Variants in INSYN2B observed in about 807,000 individuals in gnomAD.
INSYN2B encodes the protein protein INSYN2B.
A neutral mutation model predicts 41.2 loss-of-function variants in INSYN2B; 16 were observed. That is an observed-to-expected ratio of 0.39 (90% CI 0.26 to 0.59). The LOEUF (loss-of-function observed/expected upper bound fraction) is 0.59, where lower values mean the gene tolerates loss of function less well. Among genes scored for constraint, INSYN2B ranks in the 20% least tolerant of loss-of-function variants. The pLI is 0.57. For missense variants in INSYN2B, 608 were observed against 646.4 expected (o/e 0.94, Z 0.64); for synonymous variants, 245 against 244.4 (o/e 1.00, Z -0.02).
chr5:169,896,130 A>G (rs1422835079), intron 1 of INSYN2B, among the ~76,000 whole-genome samples: 3 of 148,786 alleles, frequency 2.0e-5, no homozygotes, highest in Admixed American at 6.7e-5. Context: ...GAGCTCCCAG[A>G]GCGTGCAGGC....
At chr5:169,907,609 A>G (rs1774356024) in intron 1 of INSYN2B, among the ~76,000 whole-genome samples, 1 of 152,194 alleles carries the variant, frequency 6.6e-6, no homozygotes, top group Non-Finnish European at 1.5e-5. Flanking sequence ...TATGTTGGAA[A>G]GTTCAATTAC....
chr5:169,964,734 G>A (rs1561854846), intron 1 of INSYN2B, among the ~76,000 whole-genome samples: 1 of 152,234 alleles, frequency 6.6e-6, no homozygotes, highest in Non-Finnish European at 1.5e-5. Context: ...TGTAGTAGCT[G>A]AGTATAGTTT....
intron 1 of INSYN2B, among the ~76,000 whole-genome samples, chr5:169,966,902 T>C (rs1777320788): frequency 6.6e-6 from 1 of 152,228 alleles, no homozygotes; most frequent in East Asian, 1.9e-4. Context: ...AGAGAGCCCT[T>C]CACCAATCCA....
At chr5:169,928,095 T>A (rs1445287444) in intron 1 of INSYN2B, among the ~76,000 whole-genome samples, 4 of 152,172 alleles carry the variant, frequency 2.6e-5, no homozygotes, top group Non-Finnish European at 5.9e-5. Context: ...CAGGATAAGA[T>A]ACTGTCAACC....
chr5:169,881,443 C>A lies in INSYN2B; in HGVS notation c.1347-1G>T. 6.4e-7 allele frequency: 1 copy of A among 1,551,362 alleles called. No homozygotes were observed. The highest frequency in any genetic ancestry group is 8.7e-7 in the Non-Finnish European group (1 of 1,146,756). On this transcript the variant is annotated splice_acceptor_variant, in intron 2 of 3. Transcript: ENST00000377365. LOFTEE classifies it high-confidence loss of function. ...TTGGCCAGTTCGATAAAAGTTGCGC[C>A]TGCAAGACAGAGCATTTGCTGGATA...
rs756448645 is a variant in INSYN2B, at chr5:169,950,328, G to A, written c.-919+29949C>T. Among the ~76,000 whole-genome samples the A allele has an allele frequency of 6.6e-5, 10 of 152,308 alleles. No individual in the cohort carries two copies. The East Asian group carries it at 9.6e-4, about 15-fold the overall frequency. Reference sequence around the variant, plus strand: ...TCATAGGGTTGTTTTAGGATTAAGAGCATTGATATATGCAAAGCGCTTAGT... The same window carrying A: ...TCATAGGGTTGTTTTAGGATTAAGAACATTGATATATGCAAAGCGCTTAGT... On this transcript the variant is annotated intron_variant, in intron 1 of 3. Coordinates refer to ENST00000377365, the MANE Select transcript of INSYN2B (RefSeq NM_001129891.3).
intron 1 of INSYN2B, among the ~76,000 whole-genome samples, chr5:169,919,843 G>C (rs1336346158): frequency 6.6e-6 from 1 of 152,116 alleles, no homozygotes; most frequent in Non-Finnish European, 1.5e-5. Context: ...ATTTGATGAT[G>C]CTTTAAAGGT....
chr5:169,870,750 G>C (rs1285194622), intron 3 of INSYN2B, among the ~76,000 whole-genome samples: 4 of 152,084 alleles, frequency 2.6e-5, no homozygotes, highest in Admixed American at 2.0e-4. Context: ...TTATCCTCAT[G>C]ATAGCCCAGG....
chr5:169,867,013 T>C (rs1308140754), intron 3 of INSYN2B, among the ~76,000 whole-genome samples: 3 of 152,198 alleles, frequency 2.0e-5, no homozygotes, highest in Non-Finnish European at 4.4e-5. Context: ...TCTGACTGAC[T>C]AGCTTCAAGT....
intron 1 of INSYN2B, among the ~76,000 whole-genome samples, chr5:169,936,793 A>G (rs969859452): frequency 6.6e-6 from 1 of 152,192 alleles, no homozygotes; most frequent in Non-Finnish European, 1.5e-5. Context: ...AGACGTGGCA[A>G]TGCCCACTTA....
chr5:169,965,815 T>G (rs2113754656), intron 1 of INSYN2B, among the ~76,000 whole-genome samples: 1 of 152,324 alleles, frequency 6.6e-6, no homozygotes, highest in Middle Eastern at 3.4e-3. Flanking sequence ...GGTTAAAATA[T>G]TCACCCAAAA....
In INSYN2B at chr5:169,882,773, T is replaced by A. The variant is rs1772732667; in HGVS notation, c.1126A>T (p.Ser376Cys). ...DTLEFPNCPG[S>C]NHLPSSLSRS... The stretch of plus-strand genomic sequence containing the variant: ...GAAAGAGAGGATGGGAGATGATTAC[T>A]TCCTGGACAATTTGGAAACTCCAGT... The change falls in exon 2 of 4, where the codon AGT becomes TGT. Residue 376 changes from serine to cysteine, a missense_variant. Transcript: ENST00000377365. The A allele has an allele frequency of 6.4e-7, 1 of 1,551,744 alleles. No individual in the cohort carries two copies. The highest frequency in any genetic ancestry group is 8.7e-7 in the Non-Finnish European group (1 of 1,146,966).
chr5:169,869,030 C>T (rs1270029671), intron 3 of INSYN2B, among the ~76,000 whole-genome samples: 4 of 152,132 alleles, frequency 2.6e-5, no homozygotes, highest in Admixed American at 6.5e-5. Flanking sequence ...CTAGCTTCCT[C>T]GCTGGGTGGC....
At chr5:169,899,718 A>G (rs909863124) in intron 1 of INSYN2B, among the ~76,000 whole-genome samples, 4 of 152,180 alleles carry the variant, frequency 2.6e-5, no homozygotes, top group Admixed American at 6.5e-5. Context: ...GAGACTTTCA[A>G]TGTTCCTTTC....
chr5:169,948,207 A>G (rs1483259685), intron 1 of INSYN2B, among the ~76,000 whole-genome samples: 2 of 152,192 alleles, frequency 1.3e-5, no homozygotes, highest in African/African-American at 4.8e-5. Flanking sequence ...GCTGTGACCT[A>G]GGCTCTGAAG....
At chr5:169,904,932 C>T (rs928937555) in intron 1 of INSYN2B, among the ~76,000 whole-genome samples, 1 of 152,092 alleles carries the variant, frequency 6.6e-6, no homozygotes, top group Admixed American at 6.5e-5. Flanking sequence ...CCGAGAGACC[C>T]GGGTTTGAAT....
chr5:169,883,916 GA>G lies in INSYN2B; in HGVS notation c.-19del. 1 of 1,478,682 alleles carries G rather than the reference GA, an allele frequency of 6.8e-7. No homozygotes were observed. Among genetic ancestry groups the G allele is most frequent in the South Asian group, 1.4e-5 (1 of 72,398 alleles). The allele number at this position is 1,478,682 out of a possible 1,614,324, so 91.6% of individuals were successfully genotyped here. On this transcript the variant is annotated 5_prime_UTR_variant, in exon 2 of 4. It removes the in-frame stop codon of an upstream open reading frame in the 5' UTR. Coordinates refer to ENST00000377365, the MANE Select transcript of INSYN2B (RefSeq NM_001129891.3). ...TGGGCCATTGAGCCTCAGTGGGAAGGATCAGGACCATACACTTCTCCTAGGC... is the reference window on the plus strand; with the variant it reads ...TGGGCCATTGAGCCTCAGTGGGAAGGTCAGGACCATACACTTCTCCTAGGC...
At chr5:169,870,939 G>T (rs1771927435) in intron 3 of INSYN2B, among the ~76,000 whole-genome samples, 1 of 152,120 alleles carries the variant, frequency 6.6e-6, no homozygotes, top group African/African-American at 2.4e-5. Context: ...CACAGTTCTG[G>T]AGGTGGGAAG....
At chr5:169,937,668 A>G (rs977622170) in intron 1 of INSYN2B, among the ~76,000 whole-genome samples, 4 of 152,242 alleles carry the variant, frequency 2.6e-5, no homozygotes, top group Non-Finnish European at 5.9e-5. Context: ...ATGGATAAAG[A>G]GTATTTATTA....
Sources: gnomAD v4.1 joint callset for allele counts (sites outside exome capture counted in the v4.1 genomes callset) on GRCh38, gnomAD v4.1.1 for gene constraint, MANE v1.5 for transcripts, NCBI Gene and HGNC (gene_info 2026-07-23, HGNC 2026-07-21) for gene names.